The following FYB1 variants were observed in gnomAD, a reference collection of about 807,000 sequenced individuals.
The protein encoded by FYB1 is FYN-binding protein 1.
In FYB1, 41 loss-of-function variants were observed where a neutral mutation model predicts 94.1. That is an observed-to-expected ratio of 0.44 (90% CI 0.34 to 0.57). The LOEUF is 0.57. Ranked by LOEUF, FYB1 falls within the 20% of genes least tolerant of loss-of-function variation. The probability of loss-of-function intolerance (pLI) is 0.02; values close to 1 mark genes in which losing one functional copy is unlikely to be tolerated. For synonymous variants in FYB1, 367 were observed against 353.2 expected (o/e 1.04, Z -0.44); for missense variants, 1,050 against 976.8 (o/e 1.07, Z -1.00).
intron 1 of FYB1, among the ~76,000 whole-genome samples, chr5:39,237,334 AG>A (rs1342459002): frequency 6.6e-6 from 1 of 152,118 alleles, no homozygotes; most frequent in Non-Finnish European, 1.5e-5. Flanking sequence ...TGGAAGTAAA[AG>A]GGCAAATACG....
At chr5:39,166,511 T>C (rs4957356) in intron 2 of FYB1, among the ~76,000 whole-genome samples, 86,548 of 151,734 alleles carry the variant, frequency 0.57, 28,496 homozygotes, top group Non-Finnish European at 0.73. Flanking sequence ...ATCACAGTAC[T>C]ATTCACAATA....
intron 1 of FYB1, among the ~76,000 whole-genome samples, chr5:39,240,073 G>A (rs1276306319): frequency 6.6e-6 from 1 of 152,124 alleles, no homozygotes; most frequent in Non-Finnish European, 1.5e-5. Flanking sequence ...AAGCAATGAG[G>A]AAAGGACTCC....
chr5:39,170,400 G>T lies in FYB1; in HGVS notation c.1136-16796C>A. 5 of 567,102 alleles carry T rather than the reference G, an allele frequency of 8.8e-6. No individual in the cohort carries two copies. The South Asian group carries it at 1.2e-4, about 14-fold the overall frequency. The allele number at this position is 567,102 out of a possible 1,614,324, so 35.1% of individuals were successfully genotyped here. ...GGGCCAGCTGCACCGTGGTCTTGTC[G>T]CCGTCCTGGGCCGGACCCCCTCAGC... On this transcript the variant is annotated intron_variant, in intron 2 of 18. Coordinates refer to ENST00000512982, the MANE Select transcript of FYB1 (RefSeq NM_001465.6).
intron 2 of FYB1, among the ~76,000 whole-genome samples, chr5:39,191,442 T>C (rs1324754980): frequency 6.6e-6 from 1 of 152,232 alleles, no homozygotes; most frequent in African/African-American, 2.4e-5. Flanking sequence ...TGCAGGTTCT[T>C]ACTTTGGGGA....
At chr5:39,148,157 A>T (rs1039390853) in intron 3 of FYB1, among the ~76,000 whole-genome samples, 95 of 4,180 alleles carry the variant, frequency 0.023, 2 homozygotes, top group East Asian at 0.058. Flanking sequence ...TGTATTTTTT[A>T]TATATATATA....
intron 16 of FYB1, among the ~76,000 whole-genome samples, chr5:39,113,935 T>C (rs1214134846): frequency 6.6e-6 from 1 of 152,152 alleles, no homozygotes; most frequent in South Asian, 2.1e-4. Flanking sequence ...TCTTCCCCTC[T>C]TCTCTGTTTA....
rs550275492 is a variant in FYB1 at position 39,171,182 on chromosome 5, C to T, written c.1136-17578G>A. On this transcript the variant is annotated intron_variant, in intron 2 of 18. Transcript: ENST00000512982. Reference sequence around the variant, plus strand: ...GCACAAGCCTGTAATCCCAGCTACTCGGGAGGCTGAGGCAGGAGAATTGCT... The same window carrying T: ...GCACAAGCCTGTAATCCCAGCTACTTGGGAGGCTGAGGCAGGAGAATTGCT... 3.0e-3 allele frequency among the ~76,000 whole-genome samples: 448 copies of T among 151,744 alleles called. 2 individuals carry two copies. Among genetic ancestry groups the T allele is most frequent in the African/African-American group, 0.011 (440 of 41,322 alleles).
chr5:39,245,350 G>T (rs1448121520), intron 1 of FYB1, among the ~76,000 whole-genome samples: 2 of 152,140 alleles, frequency 1.3e-5, no homozygotes, highest in Non-Finnish European at 2.9e-5. Flanking sequence ...TGCAGTCTGA[G>T]GTGGAAGGAA....
chr5:39,254,359 T>C (rs993790895), intron 1 of FYB1, among the ~76,000 whole-genome samples: 1 of 152,206 alleles, frequency 6.6e-6, no homozygotes, highest in African/African-American at 2.4e-5. Flanking sequence ...CAGCATCTGT[T>C]ATTTTTTGAC....
At chr5:39,237,281 A>G (rs1751007891) in intron 1 of FYB1, among the ~76,000 whole-genome samples, 1 of 152,118 alleles carries the variant, frequency 6.6e-6, no homozygotes, top group African/African-American at 2.4e-5. Flanking sequence ...ACAATAATCT[A>G]AGTATGAGAT....
intron 1 of FYB1, among the ~76,000 whole-genome samples, chr5:39,273,453 T>C (rs778257112): frequency 3.3e-5 from 5 of 152,148 alleles, no homozygotes; most frequent in Non-Finnish European, 7.4e-5. Flanking sequence ...TGAGTATATC[T>C]CCTGTGAAGC....
intron 7 of FYB1, among the ~76,000 whole-genome samples, chr5:39,135,601 T>C (rs1181928093): frequency 1.3e-5 from 2 of 152,200 alleles, no homozygotes; most frequent in Non-Finnish European, 2.9e-5. Flanking sequence ...ACTCTTAATT[T>C]TCTAATCCTA....
intron 2 of FYB1, among the ~76,000 whole-genome samples, chr5:39,178,898 T>A (rs1201659071): frequency 6.6e-6 from 1 of 152,190 alleles, no homozygotes; most frequent in African/African-American, 2.4e-5. Context: ...AAACGTATCA[T>A]CTTGTCAAGC....
chr5:39,200,866 C>G (rs1409485128), intron 2 of FYB1, among the ~76,000 whole-genome samples: 2 of 152,128 alleles, frequency 1.3e-5, no homozygotes, highest in African/African-American at 4.8e-5. Flanking sequence ...CATCTTGTTT[C>G]CCCCTCACAA....
In FYB1 at chr5:39,201,937, G is replaced by A. The variant is rs1239405938; in HGVS notation, c.1024C>T (p.Pro342Ser). The change falls in exon 2 of 19, where the codon CCG becomes TCG. Residue 342 changes from proline to serine, a missense_variant. Coordinates refer to ENST00000512982, the MANE Select transcript of FYB1 (RefSeq NM_001465.6). ...KEKGDKNSAT[P>S]KQKPLPPLFT... ...AAGGGAGGCAATGGCTTCTGTTTCGGGGTGGCTGAATTCTTGTCTCCCTTT... is the reference window on the plus strand; with the variant it reads ...AAGGGAGGCAATGGCTTCTGTTTCGAGGTGGCTGAATTCTTGTCTCCCTTT... 4 of 1,613,984 alleles carry A rather than the reference G, an allele frequency of 2.5e-6. No individual in the cohort carries two copies. The South Asian group carries it at 3.3e-5, about 13-fold the overall frequency.
At chr5:39,166,027 G>A (rs1340614351) in intron 2 of FYB1, among the ~76,000 whole-genome samples, 1 of 152,164 alleles carries the variant, frequency 6.6e-6, no homozygotes. Context: ...CACCGTTGGT[G>A]GGAATGTATA....
Position 39,134,883 on chromosome 5 carries a change from T to A in FYB1, c.1647A>T (p.Lys549Asn). The A allele has an allele frequency of 6.2e-7, 1 of 1,613,916 alleles. No homozygotes were observed. Among genetic ancestry groups the A allele is most frequent in the Non-Finnish European group, 8.5e-7 (1 of 1,179,848 alleles). ...AACCCCTTGCTGTTCTGCCCAACCA[T>A]TTTCCTTCTGGGTTGTCTGTGATGC... is the stretch of plus-strand genomic sequence containing the variant. Reference protein sequence around the residue: ...IIRITDNPEGKWLGRTARGSY... With the variant: ...IIRITDNPEGNWLGRTARGSY... The change falls in exon 8 of 19, where the codon AAA becomes AAT. Residue 549 changes from lysine (K) to asparagine (N), a missense_variant. Transcript: ENST00000512982.
At chr5:39,252,365 T>C (rs1434348428) in intron 1 of FYB1, among the ~76,000 whole-genome samples, 1 of 152,168 alleles carries the variant, frequency 6.6e-6, no homozygotes, top group Non-Finnish European at 1.5e-5. Context: ...GCAAAATGCA[T>C]ATACTTGTAG....
At chr5:39,132,745 C>T (rs1125508) in intron 9 of FYB1, among the ~76,000 whole-genome samples, 64,410 of 152,004 alleles carry the variant, frequency 0.42, 16,420 homozygotes, top group African/African-American at 0.71. Context: ...TAAATATGCG[C>T]AAATAATGTA....
Sources: gnomAD v4.1 joint callset for allele counts (sites outside exome capture counted in the v4.1 genomes callset) on GRCh38, gnomAD v4.1.1 for gene constraint, MANE v1.5 for transcripts, NCBI Gene and HGNC (gene_info 2026-07-23, HGNC 2026-07-21) for gene names.